The following EPHA6 variants were observed in gnomAD, a reference collection of about 807,000 sequenced individuals.
EPHA6 encodes ephrin type-A receptor 6.
In EPHA6, 50 loss-of-function variants were observed where a neutral mutation model predicts 112.0. The ratio of observed to expected loss-of-function variants is 0.45; its 90% CI spans 0.36 to 0.56. EPHA6 has a LOEUF of 0.56. EPHA6 is among the 20% of genes least tolerant of loss of function. The probability of loss-of-function intolerance (pLI) is 0.00; values close to 1 mark genes in which losing one functional copy is unlikely to be tolerated. For synonymous variants in EPHA6, 529 were observed against 490.7 expected (o/e 1.08, Z -1.03); for missense variants, 1,280 against 1,417.4 (o/e 0.90, Z 1.56).
chr3:97,202,229 T>G (rs551533250), intron 3 of EPHA6, among the ~76,000 whole-genome samples: 17 of 152,192 alleles, frequency 1.1e-4, no homozygotes, highest in Admixed American at 2.6e-4. Flanking sequence ...AAAGATAATA[T>G]TTATAGTAGA....
In EPHA6 at chr3:97,756,928, C is replaced by T. The variant is rs2036040817; in HGVS notation, c.*8227C>T. On this transcript the variant is annotated 3_prime_UTR_variant, in exon 18 of 18. Coordinates refer to ENST00000389672, the MANE Select transcript of EPHA6 (RefSeq NM_001080448.3). ...ATATCTTTGGGATATTTTACATAAT[C>T]ATACTTATTTTTAATTTTGTGTACA... Among the ~76,000 whole-genome samples, 1 of 151,680 alleles carries T rather than the reference C, an allele frequency of 6.6e-6. No homozygotes were observed. Among genetic ancestry groups the T allele is most frequent in the Non-Finnish European group, 1.5e-5 (1 of 67,726 alleles).
At position 97,214,630 on chromosome 3, in the gene EPHA6, CAT is replaced by C. The variant is rs779613032; in HGVS notation, c.1115-11632_1115-11631del. 1.5e-3 allele frequency among the ~76,000 whole-genome samples: 222 copies of C among 151,968 alleles called. 3 individuals are homozygous for C. The highest frequency in any genetic ancestry group is 5.0e-3 in the African/African-American group (206 of 41,520). ...TTTTCATTGTTATTTTAAGCAATCACATAAAGTTTCTCAAATTATAAGCGTAT... is the reference window on the plus strand; with the variant it reads ...TTTTCATTGTTATTTTAAGCAATCACAAAGTTTCTCAAATTATAAGCGTAT... On this transcript the variant is annotated intron_variant, in intron 3 of 17. Transcript: ENST00000389672.
At chr3:97,519,156 T>C (rs563424232) in intron 10 of EPHA6, among the ~76,000 whole-genome samples, 1 of 152,324 alleles carries the variant, frequency 6.6e-6, no homozygotes, top group East Asian at 1.9e-4. Flanking sequence ...TTAATATCTC[T>C]AGAGTTGACT....
intron 3 of EPHA6, among the ~76,000 whole-genome samples, chr3:97,179,291 G>C (rs1309264463): frequency 6.6e-6 from 1 of 151,832 alleles, no homozygotes; most frequent in Non-Finnish European, 1.5e-5. Context: ...GTGTTATGTG[G>C]TATTTTTTTG....
chr3:97,271,342 T>C (rs1172226657), intron 5 of EPHA6, among the ~76,000 whole-genome samples: 1 of 152,252 alleles, frequency 6.6e-6, no homozygotes, highest in Non-Finnish European at 1.5e-5. Flanking sequence ...ACTGTCCTTT[T>C]GTGTGCCTTC....
intron 14 of EPHA6, among the ~76,000 whole-genome samples, chr3:97,695,252 T>G (rs111820011): frequency 0.022 from 3,348 of 152,292 alleles, 62 homozygotes; most frequent in Middle Eastern, 0.054. Flanking sequence ...GTTAGTGATA[T>G]TCCAGTGCCA....
In EPHA6 at chr3:97,422,768, A is replaced by T. The variant is rs539892690; in HGVS notation, c.1731+17494A>T. Reference sequence around the variant, plus strand: ...CATAGATGCAAAATTCCACAACAAAACATTAGCAGAGCAAACAAGTACCAC... The same window carrying T: ...CATAGATGCAAAATTCCACAACAAATCATTAGCAGAGCAAACAAGTACCAC... On this transcript the variant is annotated intron_variant, in intron 6 of 17. Transcript: ENST00000389672. Among the ~76,000 whole-genome samples the T allele has an allele frequency of 2.0e-5, 3 of 152,296 alleles. No homozygotes were observed. The South Asian group carries it at 6.2e-4, about 32-fold the overall frequency.
At chr3:97,255,710 C>T (rs1350836131) in intron 5 of EPHA6, among the ~76,000 whole-genome samples, 1 of 151,962 alleles carries the variant, frequency 6.6e-6, no homozygotes, top group Non-Finnish European at 1.5e-5. Context: ...AGATTTTTTG[C>T]TTATGTCAAA....
At chr3:97,734,845 A>C (rs2035187246) in intron 15 of EPHA6, among the ~76,000 whole-genome samples, 1 of 152,160 alleles carries the variant, frequency 6.6e-6, no homozygotes, top group Non-Finnish European at 1.5e-5. Flanking sequence ...GATAAGAATA[A>C]ATGTTCACAC....
intron 14 of EPHA6, among the ~76,000 whole-genome samples, chr3:97,654,029 T>C (rs1399516400): frequency 6.6e-6 from 1 of 151,830 alleles, no homozygotes; most frequent in Admixed American, 6.6e-5. Context: ...TAAGTTTTAG[T>C]TAGGATGAAT....
intron 3 of EPHA6, among the ~76,000 whole-genome samples, chr3:97,180,782 G>A (rs1438875649): frequency 1.3e-5 from 2 of 152,012 alleles, no homozygotes; most frequent in East Asian, 3.9e-4. Flanking sequence ...CAGAAGGAAG[G>A]GGTCTCTTTT....
chr3:97,473,979 A>G (rs1380986947), intron 7 of EPHA6, among the ~76,000 whole-genome samples: 3 of 151,878 alleles, frequency 2.0e-5, no homozygotes, highest in Admixed American at 2.0e-4. Flanking sequence ...CTGAACATAA[A>G]TGACTTCAAC....
chr3:97,279,534 G>A (rs1399885389), intron 5 of EPHA6, among the ~76,000 whole-genome samples: 1 of 148,920 alleles, frequency 6.7e-6, no homozygotes, highest in Non-Finnish European at 1.5e-5. Flanking sequence ...CAAGGGAAGT[G>A]CAAATTAAAA....
At chr3:97,056,507 G>C (rs955994990) in intron 3 of EPHA6, among the ~76,000 whole-genome samples, 3 of 152,166 alleles carry the variant, frequency 2.0e-5, no homozygotes, top group Admixed American at 6.6e-5. Context: ...GTTTGGAAAT[G>C]TTTGCACTCA....
At chr3:97,641,343 C>T (rs1220676181) in intron 14 of EPHA6, among the ~76,000 whole-genome samples, 1 of 152,160 alleles carries the variant, frequency 6.6e-6, no homozygotes, top group Non-Finnish European at 1.5e-5. Flanking sequence ...TAGTTAGAAA[C>T]CTGCCTACTG....
At chr3:96,861,826 T>A (rs2036025185) in intron 1 of EPHA6, among the ~76,000 whole-genome samples, 1 of 151,970 alleles carries the variant, frequency 6.6e-6, no homozygotes, top group African/African-American at 2.4e-5. Flanking sequence ...TTGTTGTTTT[T>A]AAGAAAGTAT....
chr3:97,312,910 T>G (rs1456927743), intron 5 of EPHA6, among the ~76,000 whole-genome samples: 1 of 151,506 alleles, frequency 6.6e-6, no homozygotes, highest in Non-Finnish European at 1.5e-5. Flanking sequence ...CTTATTTCCT[T>G]TGTAGTGAGA....
intron 16 of EPHA6, among the ~76,000 whole-genome samples, chr3:97,737,019 T>G (rs1384662893): frequency 6.6e-6 from 1 of 151,966 alleles, no homozygotes; most frequent in Non-Finnish European, 1.5e-5. Flanking sequence ...CAAGGACTAT[T>G]TGAAACAGAC....
chr3:97,131,632 A>T (rs566746295), intron 3 of EPHA6, among the ~76,000 whole-genome samples: 13 of 152,278 alleles, frequency 8.5e-5, no homozygotes, highest in Admixed American at 5.9e-4. Flanking sequence ...TTACAAGTGG[A>T]TGGCTAAAAA....
Sources: gnomAD v4.1 joint callset for allele counts (sites outside exome capture counted in the v4.1 genomes callset) on GRCh38, gnomAD v4.1.1 for gene constraint, MANE v1.5 for transcripts, NCBI Gene and HGNC (gene_info 2026-07-23, HGNC 2026-07-21) for gene names.